Variants in MLLT3 observed in about 807,000 individuals in gnomAD.
MLLT3 encodes MLLT3 super elongation complex subunit, also known as protein AF-9.
MLLT3 carries 4 observed loss-of-function variants against 53.2 expected under a neutral mutation model. That is an observed-to-expected ratio of 0.08 (90% CI 0.04 to 0.17). MLLT3 has a LOEUF of 0.17. MLLT3 is among the 10% of genes least tolerant of loss of function. The probability of loss-of-function intolerance (pLI) is 1.00; values close to 1 mark genes in which losing one functional copy is unlikely to be tolerated. For synonymous variants in MLLT3, 283 were observed against 230.6 expected (o/e 1.23, Z -2.06); for missense variants, 569 against 684.0 (o/e 0.83, Z 1.87).
chr9:20,565,487 A>G (rs1217618126), intron 2 of MLLT3, among the ~76,000 whole-genome samples: 1 of 152,044 alleles, frequency 6.6e-6, no homozygotes, highest in Non-Finnish European at 1.5e-5. Context: ...AACCACTGCT[A>G]TAAGTACTGT....
At chr9:20,470,387 T>C (rs1824357508) in intron 2 of MLLT3, among the ~76,000 whole-genome samples, 1 of 152,032 alleles carries the variant, frequency 6.6e-6, no homozygotes, top group African/African-American at 2.4e-5. Context: ...AAAATTGCTC[T>C]CCCTGTGTGT....
chr9:20,500,987 G>A (rs949134860), intron 2 of MLLT3, among the ~76,000 whole-genome samples: 4 of 152,092 alleles, frequency 2.6e-5, no homozygotes, highest in Admixed American at 6.5e-5. Context: ...TTAGTTTAAA[G>A]TGAATTTCCC....
chr9:20,604,504 T>A (rs928426813), intron 2 of MLLT3, among the ~76,000 whole-genome samples: 1 of 152,034 alleles, frequency 6.6e-6, no homozygotes, highest in African/African-American at 2.4e-5. Context: ...GACATGAAAA[T>A]ATAATCATGT....
intron 2 of MLLT3, among the ~76,000 whole-genome samples, chr9:20,548,821 A>AG (rs1451751900): frequency 6.9e-6 from 1 of 145,090 alleles, no homozygotes; most frequent in Non-Finnish European, 1.5e-5. Flanking sequence ...TTTTGCTCAA[A>AG]GATTTTTTTT....
chr9:20,606,012 T>C (rs1820554955), intron 2 of MLLT3, among the ~76,000 whole-genome samples: 1 of 152,192 alleles, frequency 6.6e-6, no homozygotes, highest in Non-Finnish European at 1.5e-5. Context: ...GCTGGGTTAA[T>C]ATGTTTCACT....
chr9:20,566,008 A>T (rs10964612), intron 2 of MLLT3, among the ~76,000 whole-genome samples: 2,644 of 127,268 alleles, frequency 0.021, 174 homozygotes, highest in African/African-American at 0.074. Context: ...ATTTATATAT[A>T]TATTTTTATA....
In MLLT3 at chr9:20,343,346, T is replaced by A. The variant is rs1241820228; in HGVS notation, c.*3097A>T. 5.2e-5 allele frequency: 11 copies of A among 210,462 alleles called. No homozygotes were observed. The highest frequency in any genetic ancestry group is 2.1e-4 in the East Asian group (3 of 14,074). The allele number at this position is 210,462 out of a possible 1,614,324, so 13.0% of individuals were successfully genotyped here. On this transcript the variant is annotated 3_prime_UTR_variant, in exon 11 of 11. Transcript: ENST00000380338. ...TTTAAGACACTCTCTTAAGAGATAT[T>A]TTTTTCCTGATCTGAAGTTTTTATA... is the stretch of plus-strand genomic sequence containing the variant.
At chr9:20,585,662 T>C (rs1257387454) in intron 2 of MLLT3, among the ~76,000 whole-genome samples, 3 of 152,246 alleles carry the variant, frequency 2.0e-5, no homozygotes, top group East Asian at 3.8e-4. Flanking sequence ...AATGACGTGA[T>C]ATTGAGCATC....
chr9:20,540,486 G>A (rs1818602839), intron 2 of MLLT3, among the ~76,000 whole-genome samples: 1 of 152,220 alleles, frequency 6.6e-6, no homozygotes, highest in African/African-American at 2.4e-5. Context: ...ACACCACGTG[G>A]AAGTCACCAT....
At chr9:20,572,086 C>T (rs1293629244) in intron 2 of MLLT3, among the ~76,000 whole-genome samples, 1 of 152,090 alleles carries the variant, frequency 6.6e-6, no homozygotes, top group Non-Finnish European at 1.5e-5. Flanking sequence ...ACCTAGAGGA[C>T]GTTATGCTAA....
Position 20,538,120 on chromosome 9 carries a change from G to A in MLLT3, c.194-81334C>T, listed in dbSNP as rs542994613. Reference sequence around the variant, plus strand: ...GCCCCATGTGTTCATTATTGCTGATGGAATTAGAAAGGTTAGTTTTTTTAG... The same window carrying A: ...GCCCCATGTGTTCATTATTGCTGATAGAATTAGAAAGGTTAGTTTTTTTAG... On this transcript the variant is annotated intron_variant, in intron 2 of 10. Transcript: ENST00000380338. 7.9e-5 allele frequency among the ~76,000 whole-genome samples: 12 copies of A among 152,206 alleles called. No individual in the cohort carries two copies. The South Asian group carries it at 2.1e-3, about 26-fold the overall frequency.
At chr9:20,560,917 A>G (rs1240067294) in intron 2 of MLLT3, among the ~76,000 whole-genome samples, 1 of 152,182 alleles carries the variant, frequency 6.6e-6, no homozygotes, top group Non-Finnish European at 1.5e-5. Context: ...ACGTATTGGT[A>G]ACATTTCAAA....
intron 2 of MLLT3, among the ~76,000 whole-genome samples, chr9:20,557,067 G>A (rs915172203): frequency 6.6e-6 from 1 of 152,030 alleles, no homozygotes. Context: ...ACAGCTCCTC[G>A]GTTTGCACCT....
intron 4 of MLLT3, among the ~76,000 whole-genome samples, chr9:20,434,707 G>A (rs907772631): frequency 6.6e-6 from 1 of 152,182 alleles, no homozygotes; most frequent in African/African-American, 2.4e-5. Context: ...AGGAAAGGCA[G>A]TGGTTTTCTC....
chr9:20,395,869 G>A (rs1447224400), intron 5 of MLLT3, among the ~76,000 whole-genome samples: 1 of 152,118 alleles, frequency 6.6e-6, no homozygotes, highest in Non-Finnish European at 1.5e-5. Context: ...GCCAACAAAA[G>A]TACTGATGGC....
intron 8 of MLLT3, among the ~76,000 whole-genome samples, chr9:20,356,614 A>G (rs1340731373): frequency 3.3e-5 from 5 of 152,098 alleles, no homozygotes; most frequent in African/African-American, 9.7e-5. Flanking sequence ...ACAGAACTGA[A>G]TTTTGTTCCC....
chr9:20,537,442 C>A (rs6475458), intron 2 of MLLT3, among the ~76,000 whole-genome samples: 1 of 151,920 alleles, frequency 6.6e-6, no homozygotes, highest in Admixed American at 6.6e-5. Context: ...TATTTTCCTA[C>A]AGATGATTAT....
At chr9:20,459,419 A>G (rs529420318) in intron 2 of MLLT3, among the ~76,000 whole-genome samples, 1 of 152,348 alleles carries the variant, frequency 6.6e-6, no homozygotes, top group African/African-American at 2.4e-5. Context: ...GAGTCTCACT[A>G]AACGCATTGA....
chr9:20,585,330 A>C (rs1489805783), intron 2 of MLLT3, among the ~76,000 whole-genome samples: 2 of 152,188 alleles, frequency 1.3e-5, no homozygotes, highest in Admixed American at 6.5e-5. Flanking sequence ...TTATAAAGAC[A>C]CTAATTCCAT....
Sources: gnomAD v4.1 joint callset for allele counts (sites outside exome capture counted in the v4.1 genomes callset) on GRCh38, gnomAD v4.1.1 for gene constraint, MANE v1.5 for transcripts, NCBI Gene and HGNC (gene_info 2026-07-23, HGNC 2026-07-21) for gene names.